The following CRYBG3 variants were observed in gnomAD, a reference collection of about 807,000 sequenced individuals.
The protein encoded by CRYBG3 is crystallin beta-gamma domain containing 3.
CRYBG3 carries 127 observed loss-of-function variants against 244.2 expected under a neutral mutation model. The observed-to-expected ratio is 0.52, with a 90% CI of 0.45 to 0.60. The LOEUF is 0.60. Ranked by LOEUF, CRYBG3 falls within the 20% of genes least tolerant of loss-of-function variation. CRYBG3 has a pLI of 0.00. For synonymous variants in CRYBG3, 1,132 were observed against 1,195.8 expected, an observed-to-expected ratio of 0.95 and a Z score of 1.10; for missense variants, 3,325 against 3,442.5, an observed-to-expected ratio of 0.97 and a Z score of 0.85.
At chr3:97,921,459 C>G (rs2039983958) in intron 17 of CRYBG3, among the ~76,000 whole-genome samples, 1 of 118,518 alleles carries the variant, frequency 8.4e-6, no homozygotes. Flanking sequence ...TAAACTCATT[C>G]ATTCATGCCT....
At chr3:97,908,982 T>C (rs1559740655) in intron 15 of CRYBG3, among the ~76,000 whole-genome samples, 1 of 151,926 alleles carries the variant, frequency 6.6e-6, no homozygotes, top group East Asian at 1.9e-4. Flanking sequence ...GTCTGTAAAG[T>C]ATTTTATTTC....
chr3:97,910,405 G>A (rs1470539284), intron 15 of CRYBG3, among the ~76,000 whole-genome samples: 8 of 150,360 alleles, frequency 5.3e-5, no homozygotes, highest in Non-Finnish European at 1.0e-4. Flanking sequence ...GCGAGACTCT[G>A]TGGGCGTAGG....
At chr3:97,922,664 C>T (rs575786566) in intron 17 of CRYBG3, among the ~76,000 whole-genome samples, 4 of 152,178 alleles carry the variant, frequency 2.6e-5, no homozygotes, top group Non-Finnish European at 2.9e-5. Flanking sequence ...GTTAGAATGA[C>T]GATCATTAAA....
At chr3:97,912,768 T>A (rs1230277709) in intron 16 of CRYBG3, among the ~76,000 whole-genome samples, 1 of 152,170 alleles carries the variant, frequency 6.6e-6, no homozygotes, top group African/African-American at 2.4e-5. Context: ...TTTTCTCATC[T>A]CTGAATCTGA....
chr3:97,887,058 A>G (rs1320725732), intron 8 of CRYBG3, among the ~76,000 whole-genome samples: 1 of 152,182 alleles, frequency 6.6e-6, no homozygotes, highest in Non-Finnish European at 1.5e-5. Context: ...AAAATTTTGG[A>G]GCCTGAACTA....
chr3:97,916,594 C>T (rs1380496858), intron 17 of CRYBG3, among the ~76,000 whole-genome samples: 2 of 152,088 alleles, frequency 1.3e-5, no homozygotes, highest in Non-Finnish European at 2.9e-5. Flanking sequence ...CAGTTTTACA[C>T]AGAGCTGATT....
intron 15 of CRYBG3, among the ~76,000 whole-genome samples, chr3:97,900,780 A>T (rs1229416747): frequency 1.3e-5 from 2 of 152,178 alleles, no homozygotes; most frequent in Admixed American, 1.3e-4. Context: ...TTATTTCTTC[A>T]GTGTCACATT....
At chr3:97,902,382 G>C (rs928923078) in intron 15 of CRYBG3, among the ~76,000 whole-genome samples, 2 of 151,792 alleles carry the variant, frequency 1.3e-5, no homozygotes. Flanking sequence ...ATGAGATATG[G>C]CTTATTTGAG....
chr3:97,841,527 T>TTGGATAC (rs2038818578), intron 1 of CRYBG3, among the ~76,000 whole-genome samples: 1 of 152,082 alleles, frequency 6.6e-6, no homozygotes, highest in Non-Finnish European at 1.5e-5. Flanking sequence ...CATTTGTTTC[T>TTGGATAC]TGGATACTGT....
chr3:97,837,022 A>G (rs1576510847), intron 1 of CRYBG3: 2 of 152,296 alleles, frequency 1.3e-5, no homozygotes, highest in Middle Eastern at 6.8e-3. Flanking sequence ...ACATAGTTGT[A>G]AAATCAGATC....
chr3:97,865,356 A>C (rs2039213429), intron 3 of CRYBG3, among the ~76,000 whole-genome samples: 1 of 152,186 alleles, frequency 6.6e-6, no homozygotes, highest in African/African-American at 2.4e-5. Flanking sequence ...TATTTGAAGA[A>C]GCCATCAAAA....
chr3:97,850,328 G>T (rs2038966898), intron 2 of CRYBG3, among the ~76,000 whole-genome samples: 1 of 151,966 alleles, frequency 6.6e-6, no homozygotes, highest in Non-Finnish European at 1.5e-5. Context: ...AACTGTTTTG[G>T]GTCACCTGTG....
At chr3:97,825,367 T>C (rs1042418423) in intron 1 of CRYBG3, among the ~76,000 whole-genome samples, 6 of 152,322 alleles carry the variant, frequency 3.9e-5, no homozygotes, top group Admixed American at 3.9e-4. Context: ...TGTGCAATGT[T>C]TGTAACTGTG....
rs114227787 is a variant in CRYBG3, at chr3:97,860,976, T to C, written c.217-3241T>C. ...CACATTTGACAACTAAATAGTTCAT[T>C]GCCCTACCTGCCACTTACCCAGAGC... On this transcript the variant is annotated intron_variant, in intron 2 of 21. Coordinates refer to ENST00000389622, the MANE Select transcript of CRYBG3 (RefSeq NM_153605.4). Among the ~76,000 whole-genome samples, 833 of 152,210 alleles carry C rather than the reference T, an allele frequency of 5.5e-3. 7 individuals carry two copies. The highest frequency in any genetic ancestry group is 0.019 in the African/African-American group (788 of 41,552).
chr3:97,878,415 A>G (rs2039408686), intron 4 of CRYBG3, among the ~76,000 whole-genome samples: 1 of 152,234 alleles, frequency 6.6e-6, no homozygotes, highest in Non-Finnish European at 1.5e-5. Context: ...GTCTCAAACA[A>G]ACAAAGCAAA....
intron 17 of CRYBG3, among the ~76,000 whole-genome samples, chr3:97,920,600 G>A (rs1435214585): frequency 1.3e-5 from 2 of 151,900 alleles, no homozygotes; most frequent in African/African-American, 4.8e-5. Flanking sequence ...CACCATCTTG[G>A]CTCACTGCAA....
At chr3:97,841,218 G>GTATATGTATATATGTGTGTATATACA (rs1553701362) in intron 1 of CRYBG3, among the ~76,000 whole-genome samples, 4,241 of 147,504 alleles carry the variant, frequency 0.029, 229 homozygotes, top group African/African-American at 0.1. Flanking sequence ...ATGTATATAT[G>GTATATGTATATATGTGTGTATATACA]TATATGTATA....
chr3:97,873,934 G>T lies in CRYBG3; in HGVS notation c.2740G>T (p.Ala914Ser), dbSNP rs944965853. ...KENCQAELSP[A>S]ASKYEDKPEP... is the part of the protein sequence containing the mutation. The stretch of plus-strand genomic sequence containing the variant: ...GAATTGCCAAGCTGAGCTTTCTCCT[G>T]CTGCCTCCAAATATGAAGATAAGCC... Residue 914 changes from alanine (A) to serine (S), a missense_variant, in exon 4 of 22, where the codon GCT (alanine) becomes TCT (serine). Ala to Ser is a moderately conservative substitution (Grantham distance 99). Transcript: ENST00000389622. 4 of 1,535,822 alleles carry T rather than the reference G, an allele frequency of 2.6e-6. No homozygotes were observed. In the Admixed American group the frequency reaches 7.9e-5, roughly 30 times the overall value.
chr3:97,840,333 T>G (rs2038794252), intron 1 of CRYBG3, among the ~76,000 whole-genome samples: 1 of 152,158 alleles, frequency 6.6e-6, no homozygotes, highest in Non-Finnish European at 1.5e-5. Flanking sequence ...AACCAAAATT[T>G]TAAAATATGT....
Sources: gnomAD v4.1 joint callset for allele counts (sites outside exome capture counted in the v4.1 genomes callset) on GRCh38, gnomAD v4.1.1 for gene constraint, MANE v1.5 for transcripts, NCBI Gene and HGNC (gene_info 2026-07-23, HGNC 2026-07-21) for gene names.